The following NCKAP5 variants were observed in gnomAD, a reference collection of about 807,000 sequenced individuals.
The protein encoded by NCKAP5 is nck-associated protein 5.
A neutral mutation model predicts 167.0 loss-of-function variants in NCKAP5; 92 were observed. The observed-to-expected ratio is 0.55, with a 90% CI of 0.47 to 0.66. NCKAP5 has a LOEUF of 0.66. Among genes scored for constraint, NCKAP5 ranks in the 30% least tolerant of loss-of-function variants. The pLI is 0.00. For missense variants in NCKAP5, 2,378 were observed against 2,315.0 expected (o/e 1.03, Z -0.56); for synonymous variants, 891 against 877.4 (o/e 1.02, Z -0.27).
At chr2:133,146,796 C>T (rs1053113404) in intron 5 of NCKAP5, among the ~76,000 whole-genome samples, 1 of 152,088 alleles carries the variant, frequency 6.6e-6, no homozygotes, top group African/African-American at 2.4e-5. Context: ...AAAACAAACA[C>T]TTCCAAATAC....
At chr2:133,647,772 AAAG>A in the NCKAP5 span, among the ~76,000 whole-genome samples, 2 of 144,782 alleles carry the variant, frequency 1.4e-5, no homozygotes, top group Admixed American at 7.1e-5. Flanking sequence ...AGAAAAAAGA[AAAG>A]AAAAAAAAGA....
At chr2:133,429,060 C>T (rs1400651744) in intron 3 of NCKAP5, among the ~76,000 whole-genome samples, 1 of 152,088 alleles carries the variant, frequency 6.6e-6, no homozygotes, top group Non-Finnish European at 1.5e-5. Context: ...GATTTATGCC[C>T]TCTGCGGGAC....
intron 19 of NCKAP5, among the ~76,000 whole-genome samples, chr2:132,678,174 A>G (rs1310132087): frequency 6.6e-6 from 1 of 152,192 alleles, no homozygotes; most frequent in Non-Finnish European, 1.5e-5. Flanking sequence ...CAAAAAATAT[A>G]TGCATGATGG....
intron 3 of NCKAP5, among the ~76,000 whole-genome samples, chr2:133,450,428 T>C (rs1402548218): frequency 1.3e-5 from 2 of 152,222 alleles, no homozygotes; most frequent in African/African-American, 2.4e-5. Flanking sequence ...ATTCCATTAA[T>C]GCGGCCTATG....
At chr2:132,791,432 C>A (rs918911234) in intron 12 of NCKAP5, among the ~76,000 whole-genome samples, 8 of 152,196 alleles carry the variant, frequency 5.3e-5, no homozygotes, top group Admixed American at 5.2e-4. Context: ...ACAAATAAAG[C>A]TGTAAACCTC....
intron 10 of NCKAP5, 28 bp from the exon 11 acceptor site, chr2:132,860,639 A>G: frequency 6.4e-7 from 1 of 1,553,094 alleles, no homozygotes; most frequent in South Asian, 1.2e-5. Flanking sequence ...AAGGAGGAAA[A>G]AGTCCATAAC....
At chr2:133,553,237 TA>T (rs1156560826) in intron 2 of NCKAP5, among the ~76,000 whole-genome samples, 12 of 152,214 alleles carry the variant, frequency 7.9e-5, no homozygotes, top group African/African-American at 2.4e-4. Context: ...TTGAAATCCT[TA>T]AGCACAGGCA....
chr2:133,451,269 G>A (rs943516549), intron 3 of NCKAP5, among the ~76,000 whole-genome samples: 1 of 152,192 alleles, frequency 6.6e-6, no homozygotes, highest in African/African-American at 2.4e-5. Flanking sequence ...TAAATGCAAA[G>A]CAAGTTCTCT....
intron 7 of NCKAP5, among the ~76,000 whole-genome samples, chr2:132,993,751 A>G (rs2077511482): frequency 6.6e-6 from 1 of 152,120 alleles, no homozygotes; most frequent in Non-Finnish European, 1.5e-5. Flanking sequence ...CCACAGGCCC[A>G]CCTTAAATGT....
the NCKAP5 span, among the ~76,000 whole-genome samples, chr2:133,649,225 T>C: frequency 1.3e-5 from 2 of 150,366 alleles, no homozygotes; most frequent in Admixed American, 1.3e-4. Context: ...ATATCTAGTA[T>C]GGAGAGTGAA....
chr2:133,013,223 G>T (rs1479225491), intron 6 of NCKAP5, among the ~76,000 whole-genome samples: 2 of 152,196 alleles, frequency 1.3e-5, no homozygotes, highest in Non-Finnish European at 2.9e-5. Flanking sequence ...CAGCTGGCTG[G>T]ACTCTGCACC....
chr2:132,935,705 A>G (rs1411590348), intron 8 of NCKAP5, among the ~76,000 whole-genome samples: 2 of 152,154 alleles, frequency 1.3e-5, no homozygotes, highest in African/African-American at 2.4e-5. Flanking sequence ...GAGGAGGAGA[A>G]GCAGATACAG....
At chr2:133,263,734 C>A (rs1193396137) in intron 4 of NCKAP5, among the ~76,000 whole-genome samples, 2 of 152,068 alleles carry the variant, frequency 1.3e-5, no homozygotes, top group African/African-American at 4.8e-5. Flanking sequence ...AGAGAAACTG[C>A]CATTTATCCA....
intron 8 of NCKAP5, among the ~76,000 whole-genome samples, chr2:132,924,724 C>G (rs1695714905): frequency 6.6e-6 from 1 of 152,082 alleles, no homozygotes; most frequent in Admixed American, 6.5e-5. Flanking sequence ...TTTCATTTGA[C>G]TAAGCTTAGT....
intron 7 of NCKAP5, among the ~76,000 whole-genome samples, chr2:132,986,397 C>A (rs1310895407): frequency 6.6e-6 from 1 of 152,140 alleles, no homozygotes; most frequent in Non-Finnish European, 1.5e-5. Flanking sequence ...CTGGAAACAA[C>A]AAAACCAAGC....
intron 7 of NCKAP5, among the ~76,000 whole-genome samples, chr2:132,992,875 G>A (rs2077487487): frequency 6.6e-6 from 1 of 152,188 alleles, no homozygotes; most frequent in Admixed American, 6.5e-5. Flanking sequence ...TATATTCACT[G>A]CACATGGGAA....
chr2:133,467,259 T>C (rs1692673759), intron 3 of NCKAP5, among the ~76,000 whole-genome samples: 1 of 150,626 alleles, frequency 6.6e-6, no homozygotes, highest in African/African-American at 2.4e-5. Context: ...CTGCATCTAT[T>C]GAGATAATCA....
the NCKAP5 span, among the ~76,000 whole-genome samples, chr2:133,625,739 C>A: frequency 2.0e-5 from 3 of 151,728 alleles, no homozygotes; most frequent in Non-Finnish European, 4.4e-5. Flanking sequence ...GGCGTAGTGG[C>A]GGGCACCTGT....
rs113027898 is a variant in NCKAP5 at position 133,290,703 on chromosome 2, A to G, written c.143+12334T>C. 7.8e-3 allele frequency among the ~76,000 whole-genome samples: 1,175 copies of G among 149,738 alleles called. 14 individuals are homozygous for G. Among genetic ancestry groups the G allele is most frequent in the African/African-American group, 0.026 (1,065 of 40,746 alleles). On this transcript the variant is annotated intron_variant, in intron 4 of 19. Coordinates refer to ENST00000409261, the MANE Select transcript of NCKAP5 (RefSeq NM_207363.3). Reference sequence around the variant, plus strand: ...ATAAAGGTGGTCTCATCCCTAATGAACATATGAGGCCACAAGAATTTCTCC... The same window carrying G: ...ATAAAGGTGGTCTCATCCCTAATGAGCATATGAGGCCACAAGAATTTCTCC...
Sources: allele counts gnomAD v4.1 joint callset (sites outside exome capture counted in the v4.1 genomes callset), GRCh38; gene constraint gnomAD v4.1.1; transcripts MANE v1.5; gene names NCBI Gene and HGNC (gene_info 2026-07-23, HGNC 2026-07-21).